CCDC146: variants seen among roughly 807,000 people sequenced by gnomAD.
CCDC146 encodes the protein coiled-coil domain-containing protein 146.
CCDC146 carries 92 observed loss-of-function variants against 119.3 expected under a neutral mutation model. The observed-to-expected ratio is 0.77, with a 90% CI of 0.65 to 0.92. The LOEUF is 0.92. Ranked by LOEUF, CCDC146 falls within the 40% of genes least tolerant of loss-of-function variation. CCDC146 has a pLI of 0.00. For synonymous variants in CCDC146, 372 were observed against 371.8 expected, an observed-to-expected ratio of 1.00 and a Z score of -0.01; for missense variants, 1,000 against 1,103.0, an observed-to-expected ratio of 0.91 and a Z score of 1.32.
chr7:77,284,303 ACCTTGTACCACAC>A (rs1793812105), intron 15 of CCDC146, among the ~76,000 whole-genome samples: 2 of 151,896 alleles, frequency 1.3e-5, no homozygotes, highest in African/African-American at 4.8e-5. Context: ...GAGCACTAAT[ACCTTGTACCACAC>A]CCTTGCCTAG....
chr7:77,226,137 A>G (rs941745790), intron 2 of CCDC146, among the ~76,000 whole-genome samples: 5 of 152,344 alleles, frequency 3.3e-5, no homozygotes, highest in South Asian at 2.1e-4. Context: ...GGGAAAAGTC[A>G]AAGGAAGCAG....
chr7:77,142,409 C>T (rs1248600142), intron 1 of CCDC146, among the ~76,000 whole-genome samples: 2 of 148,736 alleles, frequency 1.3e-5, no homozygotes, highest in Non-Finnish European at 1.5e-5. Flanking sequence ...TATACATGTG[C>T]CATGTGTACA....
chr7:77,227,101 A>C lies in CCDC146; in HGVS notation c.157-9846A>C, dbSNP rs149187091. On this transcript the variant is annotated intron_variant, in intron 2 of 18. Coordinates refer to ENST00000285871, the MANE Select transcript of CCDC146 (RefSeq NM_020879.3). ...AACATCTATGACTTTACCTTTTCCA[A>C]TTTATGTAGAAACTGCAAGAACATA... Among the ~76,000 whole-genome samples, 63 of 152,224 alleles carry C rather than the reference A, an allele frequency of 4.1e-4. 1 individual carries two copies. Among genetic ancestry groups the C allele is most frequent in the African/African-American group, 1.5e-3 (61 of 41,530 alleles).
intron 2 of CCDC146, among the ~76,000 whole-genome samples, chr7:77,209,680 A>G (rs1792146313): frequency 1.3e-5 from 2 of 152,194 alleles, no homozygotes; most frequent in South Asian, 4.1e-4. Flanking sequence ...CTGGCATCAG[A>G]CTTCTGCCTG....
chr7:77,157,434 A>T (rs911824499), intron 1 of CCDC146, among the ~76,000 whole-genome samples: 1 of 150,530 alleles, frequency 6.6e-6, no homozygotes, highest in East Asian at 1.9e-4. Context: ...GTTTTTACAC[A>T]TGCTCCTTGT....
intron 1 of CCDC146, among the ~76,000 whole-genome samples, chr7:77,144,694 G>C (rs1790988303): frequency 6.6e-6 from 1 of 151,690 alleles, no homozygotes; most frequent in African/African-American, 2.4e-5. Context: ...TTTGTCATTG[G>C]TTCTGTTTAT....
At chr7:77,171,392 G>A (rs1291885040) in intron 2 of CCDC146, among the ~76,000 whole-genome samples, 1 of 152,090 alleles carries the variant, frequency 6.6e-6, no homozygotes, top group African/African-American at 2.4e-5. Context: ...TCCCCCTTCT[G>A]GCATGTTTTC....
chr7:77,286,196 A>AG (rs1584147839), intron 15 of CCDC146, among the ~76,000 whole-genome samples: 2 of 152,208 alleles, frequency 1.3e-5, no homozygotes, highest in Non-Finnish European at 2.9e-5. Context: ...TGGAAAGCAA[A>AG]GGGGGCGCAG....
At chr7:77,132,966 G>A (rs1390174354) in intron 1 of CCDC146, among the ~76,000 whole-genome samples, 1 of 152,052 alleles carries the variant, frequency 6.6e-6, no homozygotes, top group Non-Finnish European at 1.5e-5. Context: ...GAGGTCAGGA[G>A]TTCAAGACCA....
intron 2 of CCDC146, among the ~76,000 whole-genome samples, chr7:77,183,723 G>A (rs900964954): frequency 6.6e-6 from 1 of 152,180 alleles, no homozygotes; most frequent in African/African-American, 2.4e-5. Flanking sequence ...TCTCCGCATA[G>A]TGCTTGCACT....
chr7:77,183,495 C>T (rs1158275720), intron 2 of CCDC146, among the ~76,000 whole-genome samples: 2 of 152,182 alleles, frequency 1.3e-5, no homozygotes, highest in African/African-American at 2.4e-5. Context: ...TTCTCCCATG[C>T]TCCAGCCAAA....
At chr7:77,235,381 G>A (rs922418185) in intron 2 of CCDC146, among the ~76,000 whole-genome samples, 4 of 152,214 alleles carry the variant, frequency 2.6e-5, no homozygotes, top group African/African-American at 7.2e-5. Flanking sequence ...TATTTAAGCT[G>A]AGACATGAAG....
intron 11 of CCDC146, among the ~76,000 whole-genome samples, chr7:77,275,978 G>A (rs570181585): frequency 2.0e-5 from 3 of 152,022 alleles, no homozygotes; most frequent in East Asian, 1.9e-4. Flanking sequence ...AGGCTGAGGC[G>A]GGTGGATAAC....
chr7:77,141,838 C>A (rs551937869), intron 1 of CCDC146, among the ~76,000 whole-genome samples: 1 of 152,166 alleles, frequency 6.6e-6, no homozygotes, highest in South Asian at 2.1e-4. Flanking sequence ...AGATAGATTG[C>A]GGAAATTTTC....
At chr7:77,226,775 T>C (rs1296859558) in intron 2 of CCDC146, among the ~76,000 whole-genome samples, 2 of 152,262 alleles carry the variant, frequency 1.3e-5, no homozygotes, top group East Asian at 1.9e-4. Context: ...ACTTGAGTTC[T>C]GCACCCACTT....
chr7:77,215,494 C>T (rs1792286572), intron 2 of CCDC146, among the ~76,000 whole-genome samples: 1 of 152,048 alleles, frequency 6.6e-6, no homozygotes, highest in Non-Finnish European at 1.5e-5. Context: ...AGACTAGAAT[C>T]TTGGAGTAAG....
chr7:77,147,821 C>T (rs540598282), intron 1 of CCDC146, among the ~76,000 whole-genome samples: 4 of 152,378 alleles, frequency 2.6e-5, no homozygotes, highest in Admixed American at 6.5e-5. Flanking sequence ...TCTGCCTCTA[C>T]TGGGAGATGC....
chr7:77,183,546 C>T (rs1339848666), intron 2 of CCDC146, among the ~76,000 whole-genome samples: 5 of 152,100 alleles, frequency 3.3e-5, no homozygotes, highest in Admixed American at 1.3e-4. Flanking sequence ...CCTGGTTTTC[C>T]ACCCTGCTGA....
rs553246903 is a variant in CCDC146, at chr7:77,218,778, C to G, written c.157-18169C>G. On this transcript the variant is annotated intron_variant, in intron 2 of 18. Transcript: ENST00000285871. ...TAGAGATGGGGGTCTCACTATGTTG[C>G]CTAGGCTGGTCCCTAACTCCTGGGC... Among the ~76,000 whole-genome samples the G allele has an allele frequency of 2.6e-3, 396 of 152,016 alleles. 4 individuals carry two copies. Among genetic ancestry groups the G allele is most frequent in the African/African-American group, 9.3e-3 (387 of 41,466 alleles).
Sources: allele counts gnomAD v4.1 joint callset (sites outside exome capture counted in the v4.1 genomes callset), GRCh38; gene constraint gnomAD v4.1.1; transcripts MANE v1.5; gene names NCBI Gene and HGNC (gene_info 2026-07-23, HGNC 2026-07-21).